PRRC1: variants seen among roughly 807,000 people sequenced by gnomAD.
PRRC1 encodes the protein proline rich coiled-coil 1.
Under a neutral mutation model 40.7 loss-of-function variants are expected in PRRC1, and 39 were observed. The observed-to-expected ratio is 0.96, with a 90% CI of 0.74 to 1.25. The LOEUF (loss-of-function observed/expected upper bound fraction) is 1.25, where lower values mean the gene tolerates loss of function less well. PRRC1 is among the 50% of genes most tolerant of loss of function. PRRC1 has a pLI of 0.00. For synonymous variants in PRRC1, 175 were observed against 193.3 expected, an observed-to-expected ratio of 0.91 and a Z score of 0.79; for missense variants, 573 against 548.3, an observed-to-expected ratio of 1.05 and a Z score of -0.45.
rs1252364648 is a variant in PRRC1, at chr5:127,553,912, G to A, written c.*1996G>A. ...CCTCCTGCTCGGAACCGTGTGAGTG[G>A]GTGAGGAAGATGAGAGATGGTCAGA... On this transcript the variant is annotated 3_prime_UTR_variant, in exon 9 of 9. Coordinates refer to ENST00000296666, the MANE Select transcript of PRRC1 (RefSeq NM_130809.5). 4 of 1,534,914 alleles carry A rather than the reference G, an allele frequency of 2.6e-6. No homozygotes were observed. The African/African-American group carries it at 4.1e-5, about 16-fold the overall frequency.
rs986587281 is a variant in PRRC1 at position 127,552,837 on chromosome 5, G to C, written c.*921G>C. 2.2e-5 allele frequency: 22 copies of C among 985,040 alleles called. No individual in the cohort carries two copies. In the African/African-American group the frequency reaches 3.5e-4, roughly 16 times the overall value. 61.0% of individuals were successfully genotyped at this position (985,040 alleles called of 1,614,324 possible). A position where few individuals can be genotyped will look rare whatever the true frequency, so the allele number is the denominator to read the frequency against. On this transcript the variant is annotated 3_prime_UTR_variant, in exon 9 of 9. Coordinates refer to ENST00000296666, the MANE Select transcript of PRRC1 (RefSeq NM_130809.5). ...TTAGTATGTCTCTTACTTCAATTAAGGTTACTTATTTGGTTTGCCTTAAGC... is the reference window on the plus strand; with the variant it reads ...TTAGTATGTCTCTTACTTCAATTAACGTTACTTATTTGGTTTGCCTTAAGC...
At chr5:127,525,118 A>C (rs1202958759) in intron 3 of PRRC1, among the ~76,000 whole-genome samples, 198 bp downstream of exon 3, 2 of 151,716 alleles carry the variant, frequency 1.3e-5, no homozygotes, top group Non-Finnish European at 2.9e-5. Context: ...TTTAAGAAAG[A>C]AACCCTATAC....
At position 127,539,115 on chromosome 5, in the gene PRRC1, A is replaced by G. The variant is rs1767972208; in HGVS notation, c.997A>G (p.Asn333Asp). The G allele has an allele frequency of 2.5e-6, 4 of 1,612,754 alleles. No individual in the cohort carries two copies. Among genetic ancestry groups the G allele is most frequent in the East Asian group, 2.2e-5 (1 of 44,852 alleles). The change falls in exon 7 of 9, where the codon AAC (asparagine) becomes GAC (aspartate). Residue 333 changes from asparagine to aspartate, a missense_variant. By Grantham distance (23) the Asn-to-Asp change is conservative. Transcript: ENST00000296666. Reference protein sequence around the residue: ...HEKQTAVSVENFIAELLPDKW... With the variant: ...HEKQTAVSVEDFIAELLPDKW... ...AAAACAGACAGCTGTGTCAGTAGAA[A>G]ACTTCATTGCAGAATTGCTGCCTGA...
At chr5:127,525,365 A>G (rs971229318) in intron 3 of PRRC1, among the ~76,000 whole-genome samples, 5 of 152,174 alleles carry the variant, frequency 3.3e-5, no homozygotes, top group African/African-American at 1.2e-4. Flanking sequence ...ATTCCTTTTC[A>G]TGGCTGAATA....
intron 5 of PRRC1, among the ~76,000 whole-genome samples, chr5:127,531,617 C>CTTCTTTTTTTTTTTTTTTTTTTT (rs1268819647): frequency 1.2e-4 from 12 of 99,648 alleles, no homozygotes; most frequent in African/African-American, 5.6e-4. Flanking sequence ...TCTTCTTCTT[C>CTTCTTTTTTTTTTTTTTTTTTTT]TTTTTTTTTT....
rs1768426665 is a variant in PRRC1 at position 127,552,778 on chromosome 5, A to G, written c.*862A>G. The G allele has an allele frequency of 1.0e-6, 1 of 985,182 alleles. No individual in the cohort carries two copies. The highest frequency in any genetic ancestry group is 4.7e-5 in the South Asian group (1 of 21,280). The allele number at this position is 985,182 out of a possible 1,614,324, so 61.0% of individuals were successfully genotyped here. A position where few individuals can be genotyped will look rare whatever the true frequency, so the allele number is the denominator to read the frequency against. On this transcript the variant is annotated 3_prime_UTR_variant, in exon 9 of 9. Coordinates refer to ENST00000296666, the MANE Select transcript of PRRC1 (RefSeq NM_130809.5). Reference sequence around the variant, plus strand: ...ATTCTCTACACATTTTAATACAGAAATTTTTGAGAGGGGGTTACTTTATTG... The same window carrying G: ...ATTCTCTACACATTTTAATACAGAAGTTTTTGAGAGGGGGTTACTTTATTG...
In PRRC1 at chr5:127,526,512, C is replaced by T; in HGVS notation, c.494-106C>T. 3.9e-6 allele frequency: 3 copies of T among 774,664 alleles called. No homozygotes were observed. In the East Asian group the frequency reaches 8.3e-5, roughly 21 times the overall value. 48.0% of individuals were successfully genotyped at this position (774,664 alleles called of 1,614,324 possible). ...TTAATCTTTGATTGTATAACTCAGTCTTCAAATGCCTGAATATTAATATTA... is the reference window on the plus strand; with the variant it reads ...TTAATCTTTGATTGTATAACTCAGTTTTCAAATGCCTGAATATTAATATTA... On this transcript the variant is annotated intron_variant, in intron 3 of 8. Transcript: ENST00000296666.
intron 4 of PRRC1, among the ~76,000 whole-genome samples, chr5:127,527,101 C>A (rs1442653914): frequency 6.6e-6 from 1 of 152,192 alleles, no homozygotes; most frequent in Admixed American, 6.5e-5. Context: ...ATGGCTGCTT[C>A]ACCATACATG....
Position 127,552,611 on chromosome 5 carries a change from T to G in PRRC1, c.*695T>G, listed in dbSNP as rs913580127. On this transcript the variant is annotated 3_prime_UTR_variant, in exon 9 of 9. Transcript: ENST00000296666. ...GAACATTGGGGTAATACATTTTATT[T>G]TTTCATTGCTATATGACAGCTAAGG... 59 of 980,874 alleles carry G rather than the reference T, an allele frequency of 6.0e-5. No homozygotes were observed. Among genetic ancestry groups the G allele is most frequent in the Non-Finnish European group, 6.8e-5 (56 of 825,488 alleles). 60.8% of individuals were successfully genotyped at this position (980,874 alleles called of 1,614,324 possible).
chr5:127,548,005 T>G (rs1286437752), intron 8 of PRRC1, 84 bp downstream of exon 8: 6 of 915,408 alleles, frequency 6.6e-6, no homozygotes, highest in African/African-American at 1.6e-5. Flanking sequence ...TCGGTTTTTT[T>G]GTTAGAAATA....
intron 7 of PRRC1, among the ~76,000 whole-genome samples, chr5:127,540,539 A>G (rs905477575): frequency 6.6e-6 from 1 of 152,086 alleles, no homozygotes; most frequent in Admixed American, 6.6e-5. Context: ...ACTTCCTTTG[A>G]TAATACATTA....
At chr5:127,531,780 G>A (rs554240840) in intron 5 of PRRC1, among the ~76,000 whole-genome samples, 1 of 151,622 alleles carries the variant, frequency 6.6e-6, no homozygotes, top group East Asian at 2.0e-4. Flanking sequence ...GTGCCACCAC[G>A]CCCAGCTAAT....
chr5:127,546,752 A>G lies in PRRC1; in HGVS notation c.1026-1067A>G, dbSNP rs139591656. Among the ~76,000 whole-genome samples the G allele has an allele frequency of 3.0e-3, 463 of 152,308 alleles. 3 individuals are homozygous for G. Among genetic ancestry groups the G allele is most frequent in the African/African-American group, 0.011 (441 of 41,570 alleles). ...TTCACCATAGAGATTATTGTCTGCA[A>G]ATTATGCAAAATAAGGCAAAATAAA... On this transcript the variant is annotated intron_variant, in intron 7 of 8. Coordinates refer to ENST00000296666, the MANE Select transcript of PRRC1 (RefSeq NM_130809.5).
In PRRC1 at chr5:127,551,876, C is replaced by A. The variant is rs777101950; in HGVS notation, c.1298C>A (p.Ala433Glu). ...ATCTACAGTGCAGCCAGAGCGATAG[C>A]GGGCATGTATAAACAGCGCCTGCCA... is the stretch of plus-strand genomic sequence containing the variant. ...QMIYSAARAIAGMYKQRLPPR... is the reference protein window; with the variant it reads ...QMIYSAARAIEGMYKQRLPPR... The change falls in exon 9 of 9, where the codon GCG becomes GAG. Residue 433 changes from alanine (A) to glutamate (E), a missense_variant. Ala to Glu is a moderately radical substitution (Grantham distance 107). Coordinates refer to ENST00000296666, the MANE Select transcript of PRRC1 (RefSeq NM_130809.5). The A allele has an allele frequency of 6.2e-7, 1 of 1,614,000 alleles. No individual in the cohort carries two copies. Among genetic ancestry groups the A allele is most frequent in the Non-Finnish European group, 8.5e-7 (1 of 1,179,974 alleles).
At chr5:127,530,433 T>C in intron 5 of PRRC1, 37 bp downstream of exon 5, 2 of 1,462,236 alleles carry the variant, frequency 1.4e-6, no homozygotes, top group African/African-American at 1.4e-5. Flanking sequence ...TGCCATTTTT[T>C]TTTTAAGGGT....
chr5:127,534,700 A>T (rs1327552456), intron 6 of PRRC1, among the ~76,000 whole-genome samples: 1 of 152,078 alleles, frequency 6.6e-6, no homozygotes, highest in Non-Finnish European at 1.5e-5. Flanking sequence ...AGACTATCCC[A>T]TGGCTTTAAA....
chr5:127,541,399 A>G (rs1381841758), intron 7 of PRRC1, among the ~76,000 whole-genome samples: 1 of 152,156 alleles, frequency 6.6e-6, no homozygotes, highest in African/African-American at 2.4e-5. Flanking sequence ...AAAATGAGTT[A>G]GGGAGGATTC....
intron 1 of PRRC1, among the ~76,000 whole-genome samples, chr5:127,520,946 C>T (rs1260130243): frequency 1.3e-5 from 2 of 152,002 alleles, no homozygotes; most frequent in Non-Finnish European, 2.9e-5. Context: ...TCTGCTGTTT[C>T]TACATTTTTT....
At chr5:127,549,844 A>G (rs1261494834) in intron 8 of PRRC1, 2 of 152,118 alleles carry the variant, frequency 1.3e-5, no homozygotes, top group Non-Finnish European at 2.9e-5. Flanking sequence ...AGCCTAAAAT[A>G]TTTACCATCT....
Sources: gnomAD v4.1 joint callset for allele counts (sites outside exome capture counted in the v4.1 genomes callset) on GRCh38, gnomAD v4.1.1 for gene constraint, MANE v1.5 for transcripts, NCBI Gene and HGNC (gene_info 2026-07-23, HGNC 2026-07-21) for gene names.